Variants in MAEA observed in about 807,000 individuals in gnomAD.
MAEA encodes macrophage erythroblast attacher, E3 ubiquitin ligase.
Under a neutral mutation model 46.2 loss-of-function variants are expected in MAEA, and 22 were observed. The observed-to-expected ratio is 0.48, with a 90% CI of 0.34 to 0.68. The LOEUF (loss-of-function observed/expected upper bound fraction) is 0.68. MAEA is among the 30% of genes least tolerant of loss of function. The pLI, the probability that MAEA is intolerant of heterozygous loss-of-function variation, is 0.01. For synonymous variants in MAEA, 246 were observed against 222.6 expected, an observed-to-expected ratio of 1.11 and a Z score of -0.94; for missense variants, 393 against 558.1, an observed-to-expected ratio of 0.70 and a Z score of 2.98.
At chr4:1,329,781 T>G in intron 5 of MAEA, 1 of 985,438 alleles carries the variant, frequency 1.0e-6, no homozygotes, top group Non-Finnish European at 1.2e-6. Context: ...GAGGGTGTTG[T>G]GTATCACTCA....
At chr4:1,303,232 C>CAAAAAATAA (rs1735499713) in intron 1 of MAEA, among the ~76,000 whole-genome samples, 1 of 65,674 alleles carries the variant, frequency 1.5e-5, no homozygotes, top group Admixed American at 1.6e-4. Context: ...ACTAAAAATA[C>CAAAAAATAA]AAAAAAAAAA....
At chr4:1,305,206 C>A (rs1436287664) in intron 1 of MAEA, among the ~76,000 whole-genome samples, 1 of 152,122 alleles carries the variant, frequency 6.6e-6, no homozygotes, top group Non-Finnish European at 1.5e-5. Context: ...CACAGCCATG[C>A]TCCACTTGTG....
intron 6 of MAEA, among the ~76,000 whole-genome samples, chr4:1,336,545 T>C (rs10006789): frequency 0.31 from 47,286 of 151,084 alleles, 9,906 homozygotes; most frequent in African/African-American, 0.58. Flanking sequence ...AGAGTTAAGT[T>C]CATACTGGCC....
chr4:1,303,293 T>C (rs1291614408), intron 1 of MAEA, among the ~76,000 whole-genome samples: 1 of 145,356 alleles, frequency 6.9e-6, no homozygotes, highest in Admixed American at 6.9e-5. Flanking sequence ...TCCCAGCTAC[T>C]TGGGAGGCTG....
intron 4 of MAEA, among the ~76,000 whole-genome samples, chr4:1,326,384 G>A (rs1003046565): frequency 2.6e-5 from 4 of 152,240 alleles, no homozygotes; most frequent in Admixed American, 6.5e-5. Context: ...CCCTGAGAAT[G>A]TCCTGAAACC....
At chr4:1,314,529 A>G (rs893511229) in intron 2 of MAEA, among the ~76,000 whole-genome samples, 1 of 152,182 alleles carries the variant, frequency 6.6e-6, no homozygotes, top group African/African-American at 2.4e-5. Context: ...AAAGCATGGA[A>G]TAGAGCAGAA....
chr4:1,299,536 C>G (rs77782255), intron 1 of MAEA: 5,681 of 152,936 alleles, frequency 0.037, 233 homozygotes, highest in East Asian at 0.2. Flanking sequence ...CTAGGAGTTT[C>G]CTGACCTGGG....
At chr4:1,315,817 TC>T (rs1275771300) in intron 3 of MAEA, among the ~76,000 whole-genome samples, 118 of 6,468 alleles carry the variant, frequency 0.018, 1 homozygote, top group East Asian at 0.1. Context: ...CGTGTCCCCC[TC>T]CCCCCATGTG....
chr4:1,316,501 C>T (rs1234276232), intron 3 of MAEA, among the ~76,000 whole-genome samples: 7 of 152,130 alleles, frequency 4.6e-5, no homozygotes, highest in African/African-American at 7.2e-5. Context: ...AGGACTTGTG[C>T]GAGAGGATTG....
chr4:1,293,105 A>G (rs1298753482), intron 1 of MAEA, among the ~76,000 whole-genome samples: 1 of 152,086 alleles, frequency 6.6e-6, no homozygotes, highest in Non-Finnish European at 1.5e-5. Flanking sequence ...CATGTTGTCC[A>G]GCTGGTCTTG....
chr4:1,323,435 C>A, intron 4 of MAEA: 2 of 701,728 alleles, frequency 2.9e-6, no homozygotes. Context: ...TAACCTCACC[C>A]TGGCTGAGTT....
At chr4:1,308,925 G>T (rs927914463) in intron 1 of MAEA, among the ~76,000 whole-genome samples, 1 of 152,100 alleles carries the variant, frequency 6.6e-6, no homozygotes, top group African/African-American at 2.4e-5. Flanking sequence ...TCTTTCTGTT[G>T]CCTGTGCTAT....
chr4:1,336,626 A>C (rs1469328994), intron 6 of MAEA, among the ~76,000 whole-genome samples: 7 of 152,220 alleles, frequency 4.6e-5, no homozygotes, highest in Non-Finnish European at 1.0e-4. Flanking sequence ...GAGTTAAGTC[A>C]GCACTCATCC....
Position 1,339,473 on chromosome 4 carries a change from A to T in MAEA, c.*304A>T. 2.5e-6 allele frequency: 1 copy of T among 396,942 alleles called. No homozygotes were observed. The highest frequency in any genetic ancestry group is 4.6e-6 in the Non-Finnish European group (1 of 217,678). 24.6% of individuals were successfully genotyped at this position (396,942 alleles called of 1,614,324 possible). ...CCTAAACACCGAGGGAAACTTAAGA[A>T]CGTTTAAAATATAGGAGTCCGTGAT... On this transcript the variant is annotated 3_prime_UTR_variant, in exon 9 of 9. Coordinates refer to ENST00000303400, the MANE Select transcript of MAEA (RefSeq NM_001017405.3).
chr4:1,335,681 C>T (rs1712661791), intron 6 of MAEA: 2 of 952,484 alleles, frequency 2.1e-6, no homozygotes, highest in African/African-American at 3.9e-5. Context: ...GCACTGGCCC[C>T]ATGGCGTGTT....
At chr4:1,322,748 C>CAT (rs1187328559) in intron 4 of MAEA, among the ~76,000 whole-genome samples, 1 of 152,110 alleles carries the variant, frequency 6.6e-6, no homozygotes, top group Non-Finnish European at 1.5e-5. Flanking sequence ...GAGTGGGTTA[C>CAT]AGGAGGCTGA....
chr4:1,335,210 T>G (rs1712586954), intron 6 of MAEA: 1 of 985,388 alleles, frequency 1.0e-6, no homozygotes, highest in South Asian at 4.7e-5. Context: ...CCGGTTGTTT[T>G]CCATTTCATA....
chr4:1,296,967 C>T (rs73069991), intron 1 of MAEA, among the ~76,000 whole-genome samples: 9,880 of 152,200 alleles, frequency 0.065, 1,032 homozygotes, highest in African/African-American at 0.22. Flanking sequence ...GCTTCACAGA[C>T]GGTCTCCAAG....
chr4:1,293,490 C>T (rs1734321580), intron 1 of MAEA, among the ~76,000 whole-genome samples: 1 of 152,242 alleles, frequency 6.6e-6, no homozygotes, highest in Non-Finnish European at 1.5e-5. Context: ...CCTACTATTT[C>T]CCTTCAGATA....
Sources: allele counts gnomAD v4.1 joint callset (sites outside exome capture counted in the v4.1 genomes callset), GRCh38; gene constraint gnomAD v4.1.1; transcripts MANE v1.5; gene names NCBI Gene and HGNC (gene_info 2026-07-23, HGNC 2026-07-21).